Variants in WDFY4 observed in about 807,000 individuals in gnomAD.
WDFY4 encodes WDFY family member 4.
Under a neutral mutation model 351.9 loss-of-function variants are expected in WDFY4, and 169 were observed. The ratio of observed to expected loss-of-function variants is 0.48; its 90% CI spans 0.42 to 0.55. The LOEUF (loss-of-function observed/expected upper bound fraction) is 0.55. Ranked by LOEUF, WDFY4 falls within the 20% of genes least tolerant of loss-of-function variation. WDFY4 has a pLI of 0.00. For synonymous variants in WDFY4, 1,622 were observed against 1,574.6 expected, an observed-to-expected ratio of 1.03 and a Z score of -0.71; for missense variants, 3,803 against 3,935.6, an observed-to-expected ratio of 0.97 and a Z score of 0.90.
chr10:48,805,655 C>T (rs554637816), intron 26 of WDFY4, among the ~76,000 whole-genome samples: 22 of 152,200 alleles, frequency 1.4e-4, no homozygotes, highest in African/African-American at 3.9e-4. Flanking sequence ...CAGGCTCCCC[C>T]ACTGTGGCCA....
At chr10:48,920,772 A>T (rs972198784) in intron 47 of WDFY4, among the ~76,000 whole-genome samples, 2 of 152,246 alleles carry the variant, frequency 1.3e-5, no homozygotes, top group Non-Finnish European at 2.9e-5. Context: ...ACAGAATTTT[A>T]AAAAGATTCT....
intron 10 of WDFY4, 94 bp from the exon 11 acceptor site, chr10:48,735,786 T>C: frequency 7.7e-7 from 1 of 1,293,876 alleles, no homozygotes; most frequent in Non-Finnish European, 1.0e-6. Context: ...AAAATGAAGT[T>C]TGAAAATTAT....
chr10:48,871,789 T>C (rs2069794625), intron 40 of WDFY4, among the ~76,000 whole-genome samples: 1 of 152,224 alleles, frequency 6.6e-6, no homozygotes, highest in South Asian at 2.1e-4. Context: ...GAGTTTCTTA[T>C]TAACCAATTG....
At chr10:48,976,647 G>A in intron 58 of WDFY4, 150 bp from the exon 59 acceptor site, 1 of 584,164 alleles carries the variant, frequency 1.7e-6, no homozygotes, top group Non-Finnish European at 2.6e-6. Flanking sequence ...AGACCTGTAA[G>A]TCAGCTGGAA....
intron 12 of WDFY4, among the ~76,000 whole-genome samples, chr10:48,745,269 A>G (rs1338842926): frequency 3.3e-5 from 5 of 152,206 alleles, no homozygotes; most frequent in Admixed American, 3.3e-4. Context: ...CACTCTATCA[A>G]GGTGAGAGAA....
At chr10:48,958,539 G>C (rs1023530739) in intron 52 of WDFY4, among the ~76,000 whole-genome samples, 1 of 152,210 alleles carries the variant, frequency 6.6e-6, no homozygotes, top group Non-Finnish European at 1.5e-5. Context: ...GAGGCCAAGA[G>C]AGCAAATGTC....
chr10:48,817,492 T>A (rs1478159467), intron 32 of WDFY4, 83 bp downstream of exon 32: 2 of 1,403,550 alleles, frequency 1.4e-6, no homozygotes, highest in Non-Finnish European at 1.9e-6. Flanking sequence ...ATCCCTCCCC[T>A]CCCCCCTAAA....
At chr10:48,783,405 T>C (rs540814143) in intron 19 of WDFY4, among the ~76,000 whole-genome samples, 2 of 152,158 alleles carry the variant, frequency 1.3e-5, no homozygotes, top group South Asian at 2.1e-4. Flanking sequence ...TGAGCCAAAG[T>C]TGATTGAATC....
At chr10:48,802,014 TA>T (rs58857748) in intron 24 of WDFY4, among the ~76,000 whole-genome samples, 8,955 of 150,876 alleles carry the variant, frequency 0.059, 597 homozygotes, top group East Asian at 0.34. Flanking sequence ...CTCTGCCAAT[TA>T]AAAAAAAAGT....
At chr10:48,852,893 C>G (rs1369588984) in intron 39 of WDFY4, among the ~76,000 whole-genome samples, 2 of 152,210 alleles carry the variant, frequency 1.3e-5, no homozygotes, top group Non-Finnish European at 2.9e-5. Context: ...CCCTCAGCCT[C>G]TAATATACTG....
chr10:48,785,242 T>C (rs1201114234), intron 19 of WDFY4, among the ~76,000 whole-genome samples: 1 of 152,216 alleles, frequency 6.6e-6, no homozygotes, highest in Non-Finnish European at 1.5e-5. Flanking sequence ...TACATATATA[T>C]TCTAGACACT....
Position 48,936,242 on chromosome 10 carries a change from T to G in WDFY4, c.7587-5564T>G, listed in dbSNP as rs192416783. ...TTAAATGAGAGCTAACTATAACATT[T>G]TTTAATACATAAACATTACCATATC... On this transcript the variant is annotated intron_variant, in intron 47 of 61. Transcript: ENST00000325239. 4.8e-3 allele frequency among the ~76,000 whole-genome samples: 733 copies of G among 152,236 alleles called. 3 individuals are homozygous for G. The highest frequency in any genetic ancestry group is 0.017 in the African/African-American group (705 of 41,564).
At chr10:48,950,335 C>T (rs148603747) in intron 51 of WDFY4, among the ~76,000 whole-genome samples, 1 of 152,224 alleles carries the variant, frequency 6.6e-6, no homozygotes, top group East Asian at 1.9e-4. Context: ...CTTAGCGTAA[C>T]GTCCTCAAGG....
At chr10:48,982,392 CA>C in intron 61 of WDFY4, 116 bp from the exon 62 acceptor site, 1 of 864,292 alleles carries the variant, frequency 1.2e-6, no homozygotes. Flanking sequence ...GAGACAAGAC[CA>C]GGGGCAAGCT....
intron 40 of WDFY4, among the ~76,000 whole-genome samples, chr10:48,867,615 T>G (rs1187563049): frequency 4.6e-5 from 7 of 152,224 alleles, no homozygotes; most frequent in African/African-American, 1.7e-4. Context: ...ATTCTAAGTC[T>G]GCCCCTTTCT....
chr10:48,749,147 A>G (rs1309568117), intron 12 of WDFY4, among the ~76,000 whole-genome samples: 1 of 152,180 alleles, frequency 6.6e-6, no homozygotes, highest in Non-Finnish European at 1.5e-5. Flanking sequence ...CTATTCTTCA[A>G]TTCATTTAGT....
At chr10:48,756,967 C>A (rs2065356275) in intron 12 of WDFY4, among the ~76,000 whole-genome samples, 1 of 151,882 alleles carries the variant, frequency 6.6e-6, no homozygotes, top group South Asian at 2.1e-4. Flanking sequence ...GGGAAGTGTT[C>A]CCTTCTCTTG....
At position 48,867,288 on chromosome 10, in the gene WDFY4, C is replaced by A; in HGVS notation, c.6687C>A (p.Asn2229Lys). 3 of 1,492,662 alleles carry A rather than the reference C, an allele frequency of 2.0e-6. No individual in the cohort carries two copies. Among genetic ancestry groups the A allele is most frequent in the South Asian group, 1.4e-5 (1 of 72,558 alleles). The allele number at this position is 1,492,662 out of a possible 1,614,324, so 92.5% of individuals were successfully genotyped here. Residue 2229 changes from asparagine to lysine, a missense_variant, in exon 40 of 62, where the codon AAC (asparagine) becomes AAA (lysine). By Grantham distance (94) the Asn-to-Lys change is moderately conservative. Around this residue, in one of 3 missense-constraint regions of WDFY4, gnomAD observed 3,054 missense variants for 3,148.6 expected, o/e 0.97. Transcript: ENST00000325239. ...AGGATTTTGTGTCATGTATAGAGAA[C>A]TACAGAAGAAGAGGACAAGAGCTAT... ...KTEDFVSCIENYRRRGQELYA... is the reference protein window; with the variant it reads ...KTEDFVSCIEKYRRRGQELYA...
intron 31 of WDFY4, 148 bp downstream of exon 31, chr10:48,814,230 G>C: frequency 8.8e-7 from 1 of 1,142,178 alleles, no homozygotes; most frequent in South Asian, 2.0e-5. Flanking sequence ...AGTTCCTAGA[G>C]TGACTCAGGG....
Sources: gnomAD v4.1 joint callset for allele counts (sites outside exome capture counted in the v4.1 genomes callset) on GRCh38, gnomAD v4.1.1 for gene constraint, gnomAD v4.1.1 regional missense constraint, MANE v1.5 for transcripts, NCBI Gene and HGNC (gene_info 2026-07-23, HGNC 2026-07-21) for gene names.